SLC35F4: variants seen among roughly 807,000 people sequenced by gnomAD.
SLC35F4 encodes solute carrier family 35 member F4.
SLC35F4 carries 24 observed loss-of-function variants against 44.2 expected under a neutral mutation model. The observed-to-expected ratio is 0.54, with a 90% CI of 0.39 to 0.76. The LOEUF (loss-of-function observed/expected upper bound fraction) is 0.76, where lower values mean the gene tolerates loss of function less well. Among genes scored for constraint, SLC35F4 ranks in the 30% least tolerant of loss-of-function variants. SLC35F4 has a pLI of 0.00. For missense variants in SLC35F4, 562 were observed against 586.1 expected, an observed-to-expected ratio of 0.96 and a Z score of 0.42; for synonymous variants, 238 against 223.6, an observed-to-expected ratio of 1.06 and a Z score of -0.57.
chr14:57,574,469 G>A lies in SLC35F4; in HGVS notation c.808-2450C>T, dbSNP rs141798157. Among the ~76,000 whole-genome samples the A allele has an allele frequency of 2.0e-5, 3 of 152,186 alleles. No homozygotes were observed. In the East Asian group the frequency reaches 5.8e-4, roughly 29 times the overall value. ...TTAAGTTCTGAAAGAATGAAAATCT[G>A]AATATTTGAAATGTTAGAAAAATTC... On this transcript the variant is annotated intron_variant, in intron 4 of 7. Transcript: ENST00000556826.
chr14:57,815,917 T>C (rs566428627), intron 1 of SLC35F4, among the ~76,000 whole-genome samples: 2 of 152,246 alleles, frequency 1.3e-5, no homozygotes, highest in African/African-American at 4.8e-5. Context: ...AGAAAAAGTC[T>C]GTTGGAAAAG....
intron 1 of SLC35F4, among the ~76,000 whole-genome samples, chr14:57,760,212 T>C (rs974569115): frequency 6.6e-6 from 1 of 152,092 alleles, no homozygotes; most frequent in Admixed American, 6.6e-5. Context: ...TTTGTGCATG[T>C]TGTAAGATTA....
chr14:57,630,133 G>T (rs532959485), intron 1 of SLC35F4: 41 of 551,444 alleles, frequency 7.4e-5, no homozygotes, highest in African/African-American at 7.2e-4. Flanking sequence ...TGGATTTGTG[G>T]ATGGCAGATT....
intron 1 of SLC35F4, among the ~76,000 whole-genome samples, chr14:57,753,218 C>A (rs1217434955): frequency 1.3e-5 from 2 of 152,172 alleles, no homozygotes; most frequent in Non-Finnish European, 2.9e-5. Flanking sequence ...GTATAATCTT[C>A]TTGGGATTGT....
chr14:57,766,783 T>TA (rs2077245639), intron 1 of SLC35F4, among the ~76,000 whole-genome samples: 2 of 152,178 alleles, frequency 1.3e-5, no homozygotes, highest in South Asian at 4.1e-4. Flanking sequence ...AACATAAAAA[T>TA]AAAAACAAAT....
intron 1 of SLC35F4, among the ~76,000 whole-genome samples, chr14:57,894,799 TCA>T (rs1174690384): frequency 1.3e-5 from 2 of 152,120 alleles, no homozygotes; most frequent in Non-Finnish European, 2.9e-5. Flanking sequence ...CTTAATGCAA[TCA>T]CAGAGTCTGT....
intron 1 of SLC35F4, among the ~76,000 whole-genome samples, chr14:57,684,833 G>A (rs569866693): frequency 6.6e-6 from 1 of 152,306 alleles, no homozygotes; most frequent in African/African-American, 2.4e-5. Flanking sequence ...TGAAAACAAT[G>A]TTCCTTTTGT....
In SLC35F4 at chr14:57,612,624, T is replaced by C. The variant is rs568516072; in HGVS notation, c.104-18500A>G. Among the ~76,000 whole-genome samples, 5 of 152,344 alleles carry C rather than the reference T, an allele frequency of 3.3e-5. 1 individual carries two copies. The South Asian group carries it at 6.2e-4, about 19-fold the overall frequency. ...CTTAGCTATTTCTGTATCTCCAGTA[T>C]TGGCACTTAGTGGCTTTTCATAAGC... is the stretch of plus-strand genomic sequence containing the variant. On this transcript the variant is annotated intron_variant, in intron 1 of 7. Coordinates refer to ENST00000556826, the MANE Select transcript of SLC35F4 (RefSeq NM_001306087.2).
chr14:57,630,352 G>C (rs1415602664), intron 1 of SLC35F4: 1 of 600,670 alleles, frequency 1.7e-6, no homozygotes, highest in Non-Finnish European at 3.1e-6. Context: ...AGACCGACTG[G>C]AAGACCACAC....
downstream of SLC35F4, among the ~76,000 whole-genome samples, chr14:57,972,881 C>T (rs541129473): frequency 6.6e-6 from 1 of 152,362 alleles, no homozygotes; most frequent in South Asian, 2.1e-4. Flanking sequence ...CTATACTTAG[C>T]CTTTGACATG....
At chr14:57,804,287 A>G (rs892988557) in intron 1 of SLC35F4, among the ~76,000 whole-genome samples, 6 of 152,188 alleles carry the variant, frequency 3.9e-5, no homozygotes, top group Admixed American at 3.9e-4. Context: ...ATTCTTATGG[A>G]ACCAAAAAAG....
In SLC35F4 at chr14:57,685,900, G is replaced by C. The variant is rs529073091; in HGVS notation, c.104-91776C>G. ...ATCATCTGGTGTTCCTGGTCTTTGG[G>C]CTTGGAAACCAGATAACCATGTTCA... On this transcript the variant is annotated intron_variant, in intron 1 of 7. Coordinates refer to ENST00000556826, the MANE Select transcript of SLC35F4 (RefSeq NM_001306087.2). Among the ~76,000 whole-genome samples, 5 of 152,246 alleles carry C rather than the reference G, an allele frequency of 3.3e-5. 1 individual carries two copies. The highest frequency in any genetic ancestry group is 2.1e-4 in the South Asian group (1 of 4,818).
At chr14:57,935,800 T>C (rs150465214) in intron 1 of SLC35F4, among the ~76,000 whole-genome samples, 2 of 152,332 alleles carry the variant, frequency 1.3e-5, no homozygotes, top group African/African-American at 2.4e-5. Flanking sequence ...TTTATTCCTA[T>C]GTTACAAATG....
chr14:57,856,954 T>C (rs1340821530), intron 1 of SLC35F4, among the ~76,000 whole-genome samples: 1 of 152,020 alleles, frequency 6.6e-6, no homozygotes, highest in African/African-American at 2.4e-5. Context: ...ATTCAGTAAC[T>C]TTATTCTACT....
chr14:57,887,262 C>T (rs1327536112), intron 1 of SLC35F4, among the ~76,000 whole-genome samples: 2 of 152,138 alleles, frequency 1.3e-5, no homozygotes, highest in Non-Finnish European at 2.9e-5. Flanking sequence ...ACAACCATCC[C>T]TTTCTTCAAG....
At chr14:57,700,778 A>G (rs1445552813) in intron 1 of SLC35F4, among the ~76,000 whole-genome samples, 3 of 151,946 alleles carry the variant, frequency 2.0e-5, no homozygotes, top group East Asian at 1.9e-4. Flanking sequence ...AGTGGTGTAC[A>G]CCTGTAGTCC....
At chr14:57,919,512 C>T (rs563714914) in intron 1 of SLC35F4, among the ~76,000 whole-genome samples, 1 of 152,234 alleles carries the variant, frequency 6.6e-6, no homozygotes, top group Admixed American at 6.5e-5. Flanking sequence ...CTTCTGCAGG[C>T]AGGGAGTTGT....
chr14:57,612,078 T>A (rs1158466348), intron 1 of SLC35F4, among the ~76,000 whole-genome samples: 1 of 151,802 alleles, frequency 6.6e-6, no homozygotes, highest in Non-Finnish European at 1.5e-5. Context: ...TACCACTGAG[T>A]AGAGGAGGCA....
At chr14:57,944,754 G>GAAAGAAT (rs1889990142) in intron 1 of SLC35F4, among the ~76,000 whole-genome samples, 2 of 127,034 alleles carry the variant, frequency 1.6e-5, no homozygotes, top group Non-Finnish European at 3.5e-5. Flanking sequence ...AAAGAAAGAA[G>GAAAGAAT]AAAGGAAGAA....
Sources: allele counts gnomAD v4.1 joint callset (sites outside exome capture counted in the v4.1 genomes callset), GRCh38; gene constraint gnomAD v4.1.1; transcripts MANE v1.5; gene names NCBI Gene and HGNC (gene_info 2026-07-23, HGNC 2026-07-21).